The following NUP153 variants were observed in gnomAD, a reference collection of about 807,000 sequenced individuals.
NUP153 encodes the protein nuclear pore complex protein Nup153.
In NUP153, 27 loss-of-function variants were observed where a neutral mutation model predicts 134.6. The ratio of observed to expected loss-of-function variants is 0.20; its 90% CI spans 0.15 to 0.28. The LOEUF (loss-of-function observed/expected upper bound fraction) is 0.28. Among genes scored for constraint, NUP153 ranks in the 10% least tolerant of loss-of-function variants. NUP153 has a pLI of 1.00. For synonymous variants in NUP153, 640 were observed against 623.5 expected (o/e 1.03, Z -0.40); for missense variants, 1,821 against 1,731.3 (o/e 1.05, Z -0.92).
chr6:17,698,642 G>A (rs550690555), intron 1 of NUP153, among the ~76,000 whole-genome samples: 1 of 151,808 alleles, frequency 6.6e-6, no homozygotes, highest in South Asian at 2.1e-4. Context: ...GGAGGCTGAG[G>A]CAGGAGAATG....
At chr6:17,677,144 G>A (rs764980360) in intron 2 of NUP153, among the ~76,000 whole-genome samples, 4 of 152,196 alleles carry the variant, frequency 2.6e-5, no homozygotes, top group East Asian at 1.9e-4. Flanking sequence ...AAAGCCACAG[G>A]GGAGACAGAG....
In NUP153 at chr6:17,688,479, T is replaced by C. The variant is rs1176892303; in HGVS notation, c.251A>G (p.Asp84Gly). ...CTCCTCATCGGCATATACCAGATGG[T>C]CCTCTTTATTTTCTGGCCAGCGTGG... ...EVPRWPENKE[D>G]HLVYADEESS... Residue 84 changes from aspartate to glycine, a missense_variant, in exon 2 of 22, where the codon GAC becomes GGC. Transcript: ENST00000262077. The C allele has an allele frequency of 7.4e-6, 12 of 1,614,044 alleles. No individual in the cohort carries two copies. The highest frequency in any genetic ancestry group is 1.0e-5 in the Non-Finnish European group (12 of 1,180,014).
At chr6:17,661,013 A>C (rs1767142961) in intron 11 of NUP153, among the ~76,000 whole-genome samples, 1 of 152,070 alleles carries the variant, frequency 6.6e-6, no homozygotes, top group Non-Finnish European at 1.5e-5. Context: ...AAGGAGAAAC[A>C]GGCAAGCAAG....
rs994747042 is a variant in NUP153, at chr6:17,705,843, C to G, written c.111+434G>C. On this transcript the variant is annotated intron_variant, in intron 1 of 21. Transcript: ENST00000262077. ...GTTAAGATTCCAAGGGGCAGCCCCC[C>G]CTCCTCAAACACACTAAAGAAGGGA... Among the ~76,000 whole-genome samples the G allele has an allele frequency of 2.6e-5, 4 of 152,216 alleles. No homozygotes were observed. In the East Asian group the frequency reaches 5.8e-4, roughly 22 times the overall value.
chr6:17,617,572 G>A (rs186817094), intron 20 of NUP153, among the ~76,000 whole-genome samples: 4 of 152,112 alleles, frequency 2.6e-5, no homozygotes, highest in Admixed American at 2.6e-4. Context: ...AGTGGGTGCA[G>A]TGACTCATGC....
intron 2 of NUP153, among the ~76,000 whole-genome samples, chr6:17,681,684 C>T (rs1768587214): frequency 6.6e-6 from 1 of 152,154 alleles, no homozygotes; most frequent in Non-Finnish European, 1.5e-5. Flanking sequence ...ATAAATATTT[C>T]AATTTATCTG....
At chr6:17,651,875 C>T (rs538288053) in intron 11 of NUP153, 183 of 678,546 alleles carry the variant, frequency 2.7e-4, no homozygotes, top group Admixed American at 8.2e-4. Context: ...GGGATGATCG[C>T]TTGAGCGCAG....
In NUP153 at chr6:17,638,273, A is replaced by G. The variant is rs1765664304; in HGVS notation, c.1847-503T>C. Reference sequence around the variant, plus strand: ...CAGCTGAGCAAGTCCTTCTGTTACCAAAACTGCTGTCATTGAGTTCATTCA... The same window carrying G: ...CAGCTGAGCAAGTCCTTCTGTTACCGAAACTGCTGTCATTGAGTTCATTCA... On this transcript the variant is annotated intron_variant, in intron 15 of 21. Transcript: ENST00000262077. This position sits in a 1 kb window ranked among gnomAD's most constrained non-coding sequence, Gnocchi z 4.0. 6.6e-6 allele frequency among the ~76,000 whole-genome samples: 1 copy of G among 152,186 alleles called. No individual in the cohort carries two copies. The highest frequency in any genetic ancestry group is 1.5e-5 in the Non-Finnish European group (1 of 68,042).
chr6:17,663,591 A>T (rs1409699646), intron 9 of NUP153, among the ~76,000 whole-genome samples: 1 of 152,188 alleles, frequency 6.6e-6, no homozygotes, highest in East Asian at 1.9e-4. Context: ...TCAAAATTTT[A>T]ATGTTAACTT....
chr6:17,669,897 C>A (rs2039934900), intron 5 of NUP153, among the ~76,000 whole-genome samples: 1 of 151,874 alleles, frequency 6.6e-6, no homozygotes, highest in African/African-American at 2.4e-5. Flanking sequence ...GAGTTCAAGA[C>A]CAGCCTGGGC....
At chr6:17,690,137 G>A (rs1051736808) in intron 1 of NUP153, among the ~76,000 whole-genome samples, 8 of 151,156 alleles carry the variant, frequency 5.3e-5, no homozygotes, top group Non-Finnish European at 1.0e-4. Context: ...TGGATCACGA[G>A]GTCAGGAGAT....
chr6:17,619,005 G>A (rs1229140724), intron 20 of NUP153, among the ~76,000 whole-genome samples: 1 of 152,114 alleles, frequency 6.6e-6, no homozygotes, highest in Non-Finnish European at 1.5e-5. Flanking sequence ...CAAAATGGAA[G>A]TTCACAAAAG....
At chr6:17,652,567 A>G (rs1339110597) in intron 11 of NUP153, among the ~76,000 whole-genome samples, 1 of 152,032 alleles carries the variant, frequency 6.6e-6, no homozygotes, top group Non-Finnish European at 1.5e-5. Flanking sequence ...AAAATATTAG[A>G]AAAAAAAATC....
chr6:17,656,133 AGGT>A (rs1431407435), intron 11 of NUP153, among the ~76,000 whole-genome samples: 3 of 147,180 alleles, frequency 2.0e-5, no homozygotes, highest in African/African-American at 7.3e-5. Context: ...TGAACTCAGG[AGGT>A]GGAGGTTGCA....
chr6:17,651,877 T>C (rs1436396800), intron 11 of NUP153: 2 of 678,802 alleles, frequency 2.9e-6, no homozygotes, highest in East Asian at 5.4e-5. Flanking sequence ...GATGATCGCT[T>C]GAGCGCAGGA....
At position 17,632,678 on chromosome 6, in the gene NUP153, T is replaced by G; in HGVS notation, c.2631A>C (p.Ala877=). 6.2e-7 allele frequency: 1 copy of G among 1,611,986 alleles called. No individual in the cohort carries two copies. Among genetic ancestry groups the G allele is most frequent in the Non-Finnish European group, 8.5e-7 (1 of 1,179,332 alleles). Residue 877 remains alanine (A), a synonymous_variant, in exon 17 of 22, where the codon GCA becomes GCC. Coordinates refer to ENST00000262077, the MANE Select transcript of NUP153 (RefSeq NM_005124.4). ...TAAACCCAGATTTTGTGCCTGGCTTTGCACTTTCACATGCCAAACATTTGG... is the reference window on the plus strand; with the variant it reads ...TAAACCCAGATTTTGTGCCTGGCTTGGCACTTTCACATGCCAAACATTTGG... ...DSTKCLACES[A]KPGTKSGFKG... is the part of the protein sequence containing the mutation.
intron 10 of NUP153, 36 bp downstream of exon 10, chr6:17,661,982 T>C (rs756654058): frequency 3.4e-6 from 5 of 1,450,000 alleles, no homozygotes; most frequent in Admixed American, 1.8e-5. Flanking sequence ...ACAAGTTAAA[T>C]ATAAAGAAGT....
intron 11 of NUP153, among the ~76,000 whole-genome samples, chr6:17,649,971 C>T (rs1299905634): frequency 2.0e-5 from 3 of 152,196 alleles, no homozygotes; most frequent in African/African-American, 7.2e-5. Flanking sequence ...TAGTAACTGT[C>T]AGTACTGAGG....
At chr6:17,689,083 A>C (rs898804578) in intron 1 of NUP153, among the ~76,000 whole-genome samples, 6 of 151,114 alleles carry the variant, frequency 4.0e-5, no homozygotes, top group African/African-American at 1.5e-4. Flanking sequence ...AAAAAAAAAA[A>C]TACAGGAACT....
Sources: allele counts gnomAD v4.1 joint callset (sites outside exome capture counted in the v4.1 genomes callset), GRCh38; gene constraint gnomAD v4.1.1; non-coding constraint Gnocchi (gnomAD v3.1); transcripts MANE v1.5; gene names NCBI Gene and HGNC (gene_info 2026-07-23, HGNC 2026-07-21).